PCED1B: variants seen among roughly 807,000 people sequenced by gnomAD.
PCED1B encodes the protein PC-esterase domain containing 1B.
For missense variants in PCED1B, 573 were observed against 573.9 expected (o/e 1.00, Z 0.02); for synonymous variants, 251 against 246.1 (o/e 1.02, Z -0.19).
chr12:47,166,543 T>C (rs759125085), intron 2 of PCED1B, among the ~76,000 whole-genome samples: 86 of 152,230 alleles, frequency 5.6e-4, no homozygotes, highest in Non-Finnish European at 1.1e-3. Flanking sequence ...GAATTAATTA[T>C]AGTTGAATGG....
At chr12:47,098,974 T>C (rs1938592086) in intron 1 of PCED1B, among the ~76,000 whole-genome samples, 1 of 152,192 alleles carries the variant, frequency 6.6e-6, no homozygotes, top group East Asian at 1.9e-4. Context: ...GCTTAATCTT[T>C]ACAGTTAACT....
chr12:47,191,138 A>G (rs10881071), intron 2 of PCED1B, among the ~76,000 whole-genome samples: 33,144 of 152,064 alleles, frequency 0.22, 4,498 homozygotes, highest in South Asian at 0.46. Flanking sequence ...AAGTAAAATG[A>G]ACATCTTACG....
chr12:47,111,394 A>G (rs1260818161), intron 2 of PCED1B, among the ~76,000 whole-genome samples: 2 of 152,174 alleles, frequency 1.3e-5, no homozygotes, highest in Non-Finnish European at 2.9e-5. Context: ...TTTTATGTCT[A>G]TATTATTTAC....
chr12:47,159,661 A>G (rs772790592), intron 2 of PCED1B, among the ~76,000 whole-genome samples: 1 of 151,954 alleles, frequency 6.6e-6, no homozygotes, highest in Non-Finnish European at 1.5e-5. Context: ...AACATTTTGC[A>G]AATATTTTCT....
chr12:47,145,250 A>G (rs1385718753), intron 2 of PCED1B, among the ~76,000 whole-genome samples: 2 of 152,236 alleles, frequency 1.3e-5, no homozygotes, highest in Non-Finnish European at 2.9e-5. Flanking sequence ...GAAAAAGGTG[A>G]GGAAGCTGCA....
intron 3 of PCED1B, among the ~76,000 whole-genome samples, chr12:47,217,203 C>G (rs1290027823): frequency 6.6e-6 from 1 of 151,846 alleles, no homozygotes; most frequent in Non-Finnish European, 1.5e-5. Context: ...AAGTTCAAGA[C>G]CAGCCTGGAC....
At chr12:47,234,593 C>T (rs765647557) in intron 3 of PCED1B, among the ~76,000 whole-genome samples, 1 of 152,114 alleles carries the variant, frequency 6.6e-6, no homozygotes, top group Non-Finnish European at 1.5e-5. Flanking sequence ...TACTTGGGGT[C>T]CTCATTATCT....
At chr12:47,091,895 A>C (rs1002803443) in intron 1 of PCED1B, among the ~76,000 whole-genome samples, 1 of 152,102 alleles carries the variant, frequency 6.6e-6, no homozygotes, top group African/African-American at 2.4e-5. Context: ...GTTTCATTGG[A>C]CAGTTATCTG....
At chr12:47,112,829 C>T (rs999205241) in intron 2 of PCED1B, among the ~76,000 whole-genome samples, 1 of 152,182 alleles carries the variant, frequency 6.6e-6, no homozygotes, top group African/African-American at 2.4e-5. Flanking sequence ...TTCCTTCCTT[C>T]AGCTAAGAGA....
chr12:47,202,425 C>T (rs570365777), intron 2 of PCED1B, among the ~76,000 whole-genome samples: 1 of 151,934 alleles, frequency 6.6e-6, no homozygotes, highest in Non-Finnish European at 1.5e-5. Flanking sequence ...AAAGTCTGTT[C>T]CTAAGGCGAA....
chr12:47,195,307 C>T (rs936125388), intron 2 of PCED1B, among the ~76,000 whole-genome samples: 3 of 144,232 alleles, frequency 2.1e-5, no homozygotes, highest in African/African-American at 7.9e-5. Flanking sequence ...CCAGCCTGGG[C>T]GATGGAGCGA....
intron 2 of PCED1B, among the ~76,000 whole-genome samples, chr12:47,168,077 A>C (rs1006978251): frequency 2.0e-5 from 3 of 152,238 alleles, no homozygotes; most frequent in Non-Finnish European, 2.9e-5. Flanking sequence ...AAGAGAAAAA[A>C]GGAGAGGCCA....
intron 2 of PCED1B, among the ~76,000 whole-genome samples, chr12:47,136,791 A>G (rs958554878): frequency 3.3e-5 from 5 of 152,186 alleles, no homozygotes; most frequent in South Asian, 4.2e-4. Flanking sequence ...GTATTAGGCA[A>G]ATTTTTAAGT....
intron 2 of PCED1B, among the ~76,000 whole-genome samples, chr12:47,208,141 A>G (rs558135508): frequency 5.6e-4 from 85 of 152,280 alleles, no homozygotes; most frequent in Admixed American, 1.8e-3. Flanking sequence ...CCAGGTGTCA[A>G]GGTCTCTGAA....
intron 2 of PCED1B, among the ~76,000 whole-genome samples, chr12:47,113,748 G>T (rs549645680): frequency 1.8e-4 from 28 of 151,640 alleles, no homozygotes; most frequent in Non-Finnish European, 1.6e-4. Context: ...AGTGGCTCAC[G>T]CCTGTAATCC....
At chr12:47,195,559 A>G (rs1942579149) in intron 2 of PCED1B, among the ~76,000 whole-genome samples, 1 of 152,176 alleles carries the variant, frequency 6.6e-6, no homozygotes, top group Non-Finnish European at 1.5e-5. Flanking sequence ...ACCCAAAAAA[A>G]AACCCCACCA....
chr12:47,220,073 A>G (rs1277800973), intron 3 of PCED1B, among the ~76,000 whole-genome samples: 1 of 113,466 alleles, frequency 8.8e-6, no homozygotes, highest in Non-Finnish European at 1.8e-5. Context: ...TGCCTCAAAA[A>G]AAAAAAAAAA....
intron 2 of PCED1B, among the ~76,000 whole-genome samples, chr12:47,170,049 C>T (rs1347892582): frequency 2.0e-5 from 3 of 151,990 alleles, no homozygotes; most frequent in African/African-American, 7.2e-5. Context: ...TGCCGCCTTC[C>T]ACAGCGTTTG....
In PCED1B at chr12:47,211,491, T is replaced by TA. The variant is rs577096312; in HGVS notation, c.-525-4718dup. Among the ~76,000 whole-genome samples the TA allele has an allele frequency of 4.3e-3, 561 of 131,904 alleles. 2 individuals are homozygous for TA. Among genetic ancestry groups the TA allele is most frequent in the African/African-American group, 0.013 (473 of 35,444 alleles). The allele number at this position is 131,904 out of a possible 152,430, so 86.5% of individuals were successfully genotyped here. A position where few individuals can be genotyped will look rare whatever the true frequency, so the allele number is the denominator to read the frequency against. ...ACATGGTGAAACCCCAACTCTACTT[T>TA]AAAAAAAAAAAAAGGAGCCAGGTGT... On this transcript the variant is annotated intron_variant, in intron 2 of 3. Transcript: ENST00000546455.
Sources: gnomAD v4.1 joint callset for allele counts (sites outside exome capture counted in the v4.1 genomes callset) on GRCh38, gnomAD v4.1.1 for gene constraint, MANE v1.5 for transcripts, NCBI Gene and HGNC (gene_info 2026-07-23, HGNC 2026-07-21) for gene names.